ASTN2: variants seen among roughly 807,000 people sequenced by gnomAD.
The protein encoded by ASTN2 is astrotactin 2.
Under a neutral mutation model 139.8 loss-of-function variants are expected in ASTN2, and 54 were observed. The ratio of observed to expected loss-of-function variants is 0.39; its 90% CI spans 0.31 to 0.48. The LOEUF (loss-of-function observed/expected upper bound fraction) is 0.48, where lower values mean the gene tolerates loss of function less well. ASTN2 is among the 20% of genes least tolerant of loss of function. The pLI is 0.95. For synonymous variants in ASTN2, 756 were observed against 719.5 expected (o/e 1.05, Z -0.81); for missense variants, 1,565 against 1,725.1 (o/e 0.91, Z 1.64).
intron 10 of ASTN2, among the ~76,000 whole-genome samples, chr9:116,903,837 G>A (rs949058639): frequency 1.6e-4 from 25 of 152,290 alleles, no homozygotes; most frequent in African/African-American, 5.5e-4. Flanking sequence ...CTCTACATCA[G>A]GCTGATGCCC....
At chr9:116,962,359 C>A (rs1835898117) in intron 10 of ASTN2, among the ~76,000 whole-genome samples, 1 of 152,188 alleles carries the variant, frequency 6.6e-6, no homozygotes. Flanking sequence ...GAGACCAGTT[C>A]CCTCTGCCCA....
chr9:116,683,223 A>G (rs939566449), intron 16 of ASTN2, among the ~76,000 whole-genome samples: 3 of 152,060 alleles, frequency 2.0e-5, no homozygotes, highest in Admixed American at 6.5e-5. Context: ...CTGTGATATT[A>G]GAATCGAGGA....
At chr9:116,431,043 C>T (rs1396043) in intron 22 of ASTN2, among the ~76,000 whole-genome samples, 4,507 of 152,232 alleles carry the variant, frequency 0.03, 212 homozygotes, top group African/African-American at 0.1. Flanking sequence ...TGAGGGAGGG[C>T]CACCACATAC....
At chr9:116,840,711 G>A (rs1350048259) in intron 11 of ASTN2, among the ~76,000 whole-genome samples, 29 of 134,780 alleles carry the variant, frequency 2.2e-4, no homozygotes, top group South Asian at 5.5e-4. Context: ...CGGGGCGTCC[G>A]GGCAGAGACG....
intron 13 of ASTN2, among the ~76,000 whole-genome samples, chr9:116,745,153 A>C (rs1203907664): frequency 6.6e-6 from 1 of 152,236 alleles, no homozygotes; most frequent in Admixed American, 6.5e-5. Flanking sequence ...ATAGGAAAAG[A>C]AGCAGAGGCA....
intron 2 of ASTN2, among the ~76,000 whole-genome samples, chr9:117,214,981 T>G (rs1440209503): frequency 6.6e-6 from 1 of 152,130 alleles, no homozygotes; most frequent in Non-Finnish European, 1.5e-5. Flanking sequence ...CTTTCCATAG[T>G]TATAAAGGTT....
intron 10 of ASTN2, among the ~76,000 whole-genome samples, chr9:116,881,002 G>T (rs2132369857): frequency 6.6e-6 from 1 of 152,294 alleles, no homozygotes; most frequent in East Asian, 1.9e-4. Flanking sequence ...GCTAGAGAAG[G>T]CTTTCTAGAA....
chr9:116,520,679 G>T (rs950103095), intron 19 of ASTN2, among the ~76,000 whole-genome samples: 1 of 152,026 alleles, frequency 6.6e-6, no homozygotes, highest in African/African-American at 2.4e-5. Flanking sequence ...AAGAAATACA[G>T]GGCATCAAAT....
intron 17 of ASTN2, 58 bp downstream of exon 17, chr9:116,651,470 G>C: frequency 1.3e-6 from 2 of 1,579,946 alleles, no homozygotes; most frequent in East Asian, 4.5e-5. Context: ...GGTCCACAAG[G>C]GTAGGAGGTA....
At chr9:116,932,777 G>A (rs1275877067) in intron 10 of ASTN2, among the ~76,000 whole-genome samples, 7 of 151,942 alleles carry the variant, frequency 4.6e-5, no homozygotes, top group East Asian at 1.9e-4. Context: ...AGGCCACGGC[G>A]GGTGGATCAC....
At chr9:116,825,462 G>A (rs547534825) in intron 11 of ASTN2, among the ~76,000 whole-genome samples, 2 of 152,314 alleles carry the variant, frequency 1.3e-5, no homozygotes, top group African/African-American at 4.8e-5. Context: ...GAGGAATCAC[G>A]ATGTCTGACT....
At chr9:116,581,529 G>A (rs952170569) in intron 19 of ASTN2, among the ~76,000 whole-genome samples, 1 of 152,052 alleles carries the variant, frequency 6.6e-6, no homozygotes, top group Non-Finnish European at 1.5e-5. Flanking sequence ...CCTTTAACCC[G>A]ACAACCCCCC....
chr9:117,187,483 A>G (rs1242730656), intron 3 of ASTN2, among the ~76,000 whole-genome samples: 1 of 152,212 alleles, frequency 6.6e-6, no homozygotes, highest in East Asian at 1.9e-4. Flanking sequence ...GGGGCCTTTG[A>G]GAAGTGATTG....
intron 1 of ASTN2, among the ~76,000 whole-genome samples, chr9:117,332,778 G>C (rs1828754983): frequency 6.6e-6 from 1 of 152,138 alleles, no homozygotes; most frequent in Non-Finnish European, 1.5e-5. Flanking sequence ...TGAACATTCA[G>C]CTCAATATGG....
rs140472775 is a variant in ASTN2 at position 116,825,089 on chromosome 9, G to A, written c.2041-4306C>T. On this transcript the variant is annotated intron_variant, in intron 11 of 22. Transcript: ENST00000313400. ...CCAGGCACTGTCACTTGCTTGCCTC[G>A]TGACCTTGGACAAGTCCTTGAAACT... Among the ~76,000 whole-genome samples the A allele has an allele frequency of 7.3e-3, 1,110 of 152,256 alleles. 10 individuals are homozygous for A. The highest frequency in any genetic ancestry group is 0.026 in the African/African-American group (1,074 of 41,556).
chr9:117,058,904 A>G (rs867584783), intron 5 of ASTN2, among the ~76,000 whole-genome samples: 1 of 152,308 alleles, frequency 6.6e-6, no homozygotes, highest in Admixed American at 6.5e-5. Flanking sequence ...GCACTGAAAA[A>G]GGCAGTGAGT....
At chr9:116,489,483 T>C (rs1849445488) in intron 19 of ASTN2, among the ~76,000 whole-genome samples, 1 of 152,076 alleles carries the variant, frequency 6.6e-6, no homozygotes, top group Admixed American at 6.6e-5. Context: ...ACTACAGGCA[T>C]GCACCACCAC....
chr9:117,134,205 C>T (rs182609885), intron 4 of ASTN2, among the ~76,000 whole-genome samples: 5 of 149,686 alleles, frequency 3.3e-5, no homozygotes, highest in South Asian at 2.1e-4. Context: ...AATTTAAAGT[C>T]GCTAATGTTT....
intron 20 of ASTN2, among the ~76,000 whole-genome samples, chr9:116,463,278 A>C (rs903310367): frequency 6.6e-6 from 1 of 152,028 alleles, no homozygotes; most frequent in Non-Finnish European, 1.5e-5. Context: ...CACTTCTCCA[A>C]GGGTCTTTTT....
Sources: allele counts gnomAD v4.1 joint callset (sites outside exome capture counted in the v4.1 genomes callset), GRCh38; gene constraint gnomAD v4.1.1; transcripts MANE v1.5; gene names NCBI Gene and HGNC (gene_info 2026-07-23, HGNC 2026-07-21).